The following CSMD3 variants were observed in gnomAD, a reference collection of about 807,000 sequenced individuals.
CSMD3 encodes the protein CUB and Sushi multiple domains 3.
In CSMD3, 177 loss-of-function variants were observed where a neutral mutation model predicts 435.2. That is an observed-to-expected ratio of 0.41 (90% CI 0.36 to 0.46). The LOEUF (loss-of-function observed/expected upper bound fraction) is 0.46. Ranked by LOEUF, CSMD3 falls within the 20% of genes least tolerant of loss-of-function variation. The pLI is 0.34. For synonymous variants in CSMD3, 1,656 were observed against 1,520.5 expected (o/e 1.09, Z -2.07); for missense variants, 4,265 against 4,504.6 (o/e 0.95, Z 1.52).
At chr8:112,774,520 A>G (rs372726708) in intron 13 of CSMD3, among the ~76,000 whole-genome samples, 18 of 151,988 alleles carry the variant, frequency 1.2e-4, no homozygotes, top group East Asian at 5.8e-4. Flanking sequence ...ACTGAGTCGA[A>G]ATCTACTTTA....
At chr8:112,713,284 T>C (rs182964600) in intron 13 of CSMD3, among the ~76,000 whole-genome samples, 22 of 151,422 alleles carry the variant, frequency 1.5e-4, no homozygotes, top group African/African-American at 5.1e-4. Context: ...AATAGCCGAA[T>C]TGATTAAGTG....
intron 13 of CSMD3, among the ~76,000 whole-genome samples, chr8:112,718,640 A>G (rs2076788617): frequency 6.6e-6 from 1 of 152,024 alleles, no homozygotes; most frequent in Non-Finnish European, 1.5e-5. Context: ...TAACTACTTC[A>G]CCTTGAATAT....
chr8:113,326,932 T>A (rs1438174361), intron 1 of CSMD3, among the ~76,000 whole-genome samples: 2 of 152,142 alleles, frequency 1.3e-5, no homozygotes, highest in Admixed American at 6.5e-5. Context: ...ACGGTAGAAA[T>A]ACAAATTAAC....
chr8:112,832,574 A>G (rs561189779), intron 11 of CSMD3, among the ~76,000 whole-genome samples: 1 of 152,250 alleles, frequency 6.6e-6, no homozygotes, highest in African/African-American at 2.4e-5. Context: ...CACATTTAGC[A>G]TGGAGCAGTG....
intron 5 of CSMD3, among the ~76,000 whole-genome samples, chr8:113,067,236 T>C (rs2088898225): frequency 6.6e-6 from 1 of 152,156 alleles, no homozygotes; most frequent in South Asian, 2.1e-4. Context: ...GTCTCAGTTC[T>C]TTATAGCAAT....
intron 24 of CSMD3, among the ~76,000 whole-genome samples, chr8:112,571,562 A>G (rs1485253724): frequency 6.6e-6 from 1 of 151,770 alleles, no homozygotes; most frequent in Non-Finnish European, 1.5e-5. Flanking sequence ...GAAACCCACA[A>G]ATATTTCAGA....
intron 32 of CSMD3, among the ~76,000 whole-genome samples, chr8:112,451,144 A>G (rs1816219531): frequency 6.6e-6 from 1 of 152,198 alleles, no homozygotes; most frequent in South Asian, 2.1e-4. Context: ...AAATTTAAAT[A>G]TAAATGATGG....
At chr8:112,472,742 A>C in intron 31 of CSMD3, 35 bp from the exon 32 acceptor site, 1 of 1,129,770 alleles carries the variant, frequency 8.9e-7, no homozygotes, top group South Asian at 1.2e-5. Context: ...ATTTTTAGAA[A>C]AAAGTTTTAA....
intron 32 of CSMD3, among the ~76,000 whole-genome samples, chr8:112,427,389 T>C (rs185364957): frequency 3.9e-5 from 6 of 152,146 alleles, no homozygotes; most frequent in Admixed American, 6.6e-5. Flanking sequence ...TGACAGTGAG[T>C]TCTCACGAGA....
At chr8:112,258,121 A>G (rs1815982875) in intron 61 of CSMD3, among the ~76,000 whole-genome samples, 1 of 152,218 alleles carries the variant, frequency 6.6e-6, no homozygotes, top group Non-Finnish European at 1.5e-5. Flanking sequence ...ACCTTATACA[A>G]AAATTAACTT....
At chr8:112,341,440 G>T (rs368352033) in intron 42 of CSMD3, 37 bp downstream of exon 42, 2 of 1,247,218 alleles carry the variant, frequency 1.6e-6, no homozygotes, top group Middle Eastern at 1.9e-4. Flanking sequence ...GCTGATTTGG[G>T]GTTATATAAA....
At chr8:112,236,268 T>C (rs575701634) in intron 67 of CSMD3, among the ~76,000 whole-genome samples, 1 of 152,080 alleles carries the variant, frequency 6.6e-6, no homozygotes, top group East Asian at 1.9e-4. Context: ...TTTTACAGTT[T>C]ATATTTCATA....
At chr8:112,359,194 T>C (rs555708984) in intron 38 of CSMD3, among the ~76,000 whole-genome samples, 1 of 152,308 alleles carries the variant, frequency 6.6e-6, no homozygotes, top group Non-Finnish European at 1.5e-5. Flanking sequence ...AGCAGCATTA[T>C]ACTGTATACA....
intron 5 of CSMD3, among the ~76,000 whole-genome samples, chr8:113,054,081 A>ACTCTTGTTATG (rs1171230077): frequency 1.3e-5 from 2 of 151,898 alleles, no homozygotes; most frequent in African/African-American, 4.8e-5. Flanking sequence ...ACTTTAGTTC[A>ACTCTTGTTATG]CTCTTGTTAT....
intron 41 of CSMD3, among the ~76,000 whole-genome samples, chr8:112,343,132 C>T (rs1825338725): frequency 6.8e-6 from 1 of 147,942 alleles, no homozygotes; most frequent in African/African-American, 2.4e-5. Context: ...CTTATGTTTT[C>T]ATTTATAAAT....
chr8:112,351,111 C>CT lies in CSMD3; in HGVS notation c.6325+63dup, dbSNP rs1826097740. 3.8e-5 allele frequency: 38 copies of CT among 1,006,156 alleles called. No individual in the cohort carries two copies. In the South Asian group the frequency reaches 4.7e-4, roughly 13 times the overall value. The allele number at this position is 1,006,156 out of a possible 1,614,324, so 62.3% of individuals were successfully genotyped here. On this transcript the variant is annotated intron_variant, in intron 40 of 70. Transcript: ENST00000297405. ...TAAAATCTGATGAAGCTTACAAATA[C>CT]TTTATAGTCTTTTTTTTTACACTTT...
Position 113,047,792 on chromosome 8 carries a change from A to G in CSMD3, c.918-28613T>C, listed in dbSNP as rs186266243. ...CAAATTATTACTAATTACATTGCTT[A>G]GTGGTGTGCATTTGATTCTATAAAT... On this transcript the variant is annotated intron_variant, in intron 5 of 70. Coordinates refer to ENST00000297405, the MANE Select transcript of CSMD3 (RefSeq NM_198123.2). Among the ~76,000 whole-genome samples, 23 of 152,294 alleles carry G rather than the reference A, an allele frequency of 1.5e-4. 1 individual carries two copies. The highest frequency in any genetic ancestry group is 5.5e-4 in the African/African-American group (23 of 41,560).
chr8:112,591,640 C>T (rs1831201631), intron 22 of CSMD3, among the ~76,000 whole-genome samples: 1 of 151,968 alleles, frequency 6.6e-6, no homozygotes, highest in Admixed American at 6.5e-5. Context: ...GTTCAAAAAA[C>T]TTAGAATGTT....
At chr8:112,533,523 T>C (rs1825744162) in intron 27 of CSMD3, among the ~76,000 whole-genome samples, 1 of 152,106 alleles carries the variant, frequency 6.6e-6, no homozygotes, top group African/African-American at 2.4e-5. Context: ...TACAAAGGAA[T>C]TCATTATGTA....
Sources: gnomAD v4.1 joint callset for allele counts (sites outside exome capture counted in the v4.1 genomes callset) on GRCh38, gnomAD v4.1.1 for gene constraint, MANE v1.5 for transcripts, NCBI Gene and HGNC (gene_info 2026-07-23, HGNC 2026-07-21) for gene names.